FGF12: variants seen among roughly 807,000 people sequenced by gnomAD.
The protein encoded by FGF12 is fibroblast growth factor 12B.
In FGF12, 14 loss-of-function variants were observed where a neutral mutation model predicts 23.6. The observed-to-expected ratio is 0.59, with a 90% CI of 0.39 to 0.93. The LOEUF (loss-of-function observed/expected upper bound fraction) is 0.93, where lower values mean the gene tolerates loss of function less well. Among genes scored for constraint, FGF12 ranks in the 40% least tolerant of loss-of-function variants. The probability of loss-of-function intolerance (pLI) is 0.00; values close to 1 mark genes in which losing one functional copy is unlikely to be tolerated. For missense variants in FGF12, 175 were observed against 217.8 expected, an observed-to-expected ratio of 0.80 and a Z score of 1.24; for synonymous variants, 62 against 77.3, an observed-to-expected ratio of 0.80 and a Z score of 1.04.
chr3:192,630,520 G>A (rs548488345), intron 2 of FGF12, among the ~76,000 whole-genome samples: 3 of 149,682 alleles, frequency 2.0e-5, no homozygotes, highest in East Asian at 2.0e-4. Context: ...TGCTCTTAAC[G>A]CTGTGTGACA....
intron 2 of FGF12, among the ~76,000 whole-genome samples, chr3:192,577,868 T>C (rs563834142): frequency 2.9e-3 from 173 of 58,954 alleles, no homozygotes; most frequent in African/African-American, 0.014. Context: ...AAAATACTAA[T>C]GTGAAGTGTT....
intron 2 of FGF12, among the ~76,000 whole-genome samples, chr3:192,719,920 T>A (rs1193427550): frequency 6.6e-6 from 1 of 152,194 alleles, no homozygotes; most frequent in African/African-American, 2.4e-5. Flanking sequence ...GTTTGTTCAA[T>A]CTGTTAGAGT....
chr3:192,588,363 A>G (rs1246204240), intron 2 of FGF12, among the ~76,000 whole-genome samples: 2 of 146,918 alleles, frequency 1.4e-5, no homozygotes, highest in Non-Finnish European at 3.0e-5. Context: ...AAAAAAAAAA[A>G]AAAAGAAAAA....
rs1713403119 is a variant in FGF12, at chr3:192,141,788, C to T, written c.*2221G>A. Reference sequence around the variant, plus strand: ...TCAATTGTGTTATTTATGAAACCATCGTTTTACTGATGAGTGTGTATGTGT... The same window carrying T: ...TCAATTGTGTTATTTATGAAACCATTGTTTTACTGATGAGTGTGTATGTGT... On this transcript the variant is annotated 3_prime_UTR_variant, in exon 6 of 6. Transcript: ENST00000445105. The T allele has an allele frequency of 9.1e-6, 1 of 110,450 alleles. No individual in the cohort carries two copies. The highest frequency in any genetic ancestry group is 3.2e-4 in the South Asian group (1 of 3,128). 6.8% of individuals were successfully genotyped at this position (110,450 alleles called of 1,614,324 possible). A position where few individuals can be genotyped will look rare whatever the true frequency, so the allele number is the denominator to read the frequency against.
intron 2 of FGF12, among the ~76,000 whole-genome samples, chr3:192,704,488 A>G (rs1718403622): frequency 6.6e-6 from 1 of 152,220 alleles, no homozygotes; most frequent in African/African-American, 2.4e-5. Context: ...AATATTCAGT[A>G]AGCCATCCTT....
chr3:192,648,028 G>C (rs1313119566), intron 2 of FGF12, among the ~76,000 whole-genome samples: 1 of 151,600 alleles, frequency 6.6e-6, no homozygotes, highest in African/African-American at 2.4e-5. Context: ...ATTTCACAAA[G>C]GGTCAAAATG....
chr3:192,400,400 G>A (rs531455531), intron 2 of FGF12, among the ~76,000 whole-genome samples: 41 of 125,250 alleles, frequency 3.3e-4, no homozygotes, highest in Non-Finnish European at 6.2e-4. Context: ...ACTGAGTCTC[G>A]CCATGTGGCC....
chr3:192,590,815 A>G (rs1262088332), intron 2 of FGF12, among the ~76,000 whole-genome samples: 1 of 151,842 alleles, frequency 6.6e-6, no homozygotes, highest in African/African-American at 2.4e-5. Context: ...AAGTGGCACC[A>G]TCAACTTAAG....
intron 2 of FGF12, among the ~76,000 whole-genome samples, chr3:192,561,577 T>C (rs1225118315): frequency 6.6e-6 from 1 of 152,094 alleles, no homozygotes; most frequent in African/African-American, 2.4e-5. Flanking sequence ...TTAGCCAGGA[T>C]AGTCTCGATC....
intron 2 of FGF12, among the ~76,000 whole-genome samples, chr3:192,562,125 G>A (rs919015542): frequency 2.0e-5 from 3 of 152,116 alleles, no homozygotes; most frequent in Non-Finnish European, 4.4e-5. Context: ...CAGAAATTTT[G>A]TTTAGGAAGA....
chr3:192,704,453 C>A (rs1343183608), intron 2 of FGF12, among the ~76,000 whole-genome samples: 1 of 152,148 alleles, frequency 6.6e-6, no homozygotes, highest in African/African-American at 2.4e-5. Flanking sequence ...TTTTTCTGGG[C>A]AGTAAGTCTC....
chr3:192,647,456 T>A (rs1716045957), intron 2 of FGF12, among the ~76,000 whole-genome samples: 1 of 152,038 alleles, frequency 6.6e-6, no homozygotes, highest in Non-Finnish European at 1.5e-5. Flanking sequence ...AGATTTAAAA[T>A]TTTATTATAT....
In FGF12 at chr3:192,166,139, G is replaced by A. The variant is rs963251801; in HGVS notation, c.427+4319C>T. Reference sequence around the variant, plus strand: ...GGATTAATGCCTGACACAACCTCAAGTGTACATATCTTTGATAGTAATGGT... The same window carrying A: ...GGATTAATGCCTGACACAACCTCAAATGTACATATCTTTGATAGTAATGGT... On this transcript the variant is annotated intron_variant, in intron 5 of 5. Transcript: ENST00000445105. Among the ~76,000 whole-genome samples, 6 of 152,170 alleles carry A rather than the reference G, an allele frequency of 3.9e-5. No individual in the cohort carries two copies. The East Asian group carries it at 9.6e-4, about 24-fold the overall frequency.
chr3:192,645,295 G>C (rs891378409), intron 2 of FGF12, among the ~76,000 whole-genome samples: 1 of 152,094 alleles, frequency 6.6e-6, no homozygotes, highest in Non-Finnish European at 1.5e-5. Flanking sequence ...TATCATAACA[G>C]CACAACAGAG....
intron 3 of FGF12, among the ~76,000 whole-genome samples, chr3:192,346,842 G>A (rs1717989268): frequency 6.6e-6 from 1 of 152,042 alleles, no homozygotes; most frequent in South Asian, 2.1e-4. Context: ...CCACTTGAGG[G>A]CCTCCTTTTA....
At chr3:192,508,612 T>C (rs543279482) in intron 2 of FGF12, among the ~76,000 whole-genome samples, 2 of 152,338 alleles carry the variant, frequency 1.3e-5, no homozygotes, top group South Asian at 4.1e-4. Flanking sequence ...ATAGATAACT[T>C]TGCAGGATAT....
At chr3:192,180,647 A>T (rs890577918) in intron 4 of FGF12, among the ~76,000 whole-genome samples, 2 of 152,206 alleles carry the variant, frequency 1.3e-5, no homozygotes, top group Non-Finnish European at 2.9e-5. Flanking sequence ...AGAAATTATC[A>T]ACTAAGGCTA....
chr3:192,183,470 T>A (rs1716291470), intron 4 of FGF12, among the ~76,000 whole-genome samples: 1 of 152,206 alleles, frequency 6.6e-6, no homozygotes, highest in Admixed American at 6.5e-5. Flanking sequence ...GCTGTGATGG[T>A]GTGTCCTCAG....
intron 4 of FGF12, among the ~76,000 whole-genome samples, chr3:192,208,533 T>TTA (rs1717766744): frequency 6.6e-6 from 1 of 152,202 alleles, no homozygotes; most frequent in African/African-American, 2.4e-5. Context: ...TTTGGATATT[T>TTA]TATATATATA....
Sources: allele counts gnomAD v4.1 joint callset (sites outside exome capture counted in the v4.1 genomes callset), GRCh38; gene constraint gnomAD v4.1.1; transcripts MANE v1.5; gene names NCBI Gene and HGNC (gene_info 2026-07-23, HGNC 2026-07-21).